The following TAFA1 variants were observed in gnomAD, a reference collection of about 807,000 sequenced individuals.
TAFA1 encodes TAFA chemokine like family member 1.
In TAFA1, 4 loss-of-function variants were observed where a neutral mutation model predicts 18.5. That is an observed-to-expected ratio of 0.22 (90% confidence interval 0.11 to 0.49). The LOEUF is 0.49. Among genes scored for constraint, TAFA1 ranks in the 20% least tolerant of loss-of-function variants. The pLI, the probability that TAFA1 is intolerant of heterozygous loss-of-function variation, is 0.98. For synonymous variants in TAFA1, 56 were observed against 55.2 expected (o/e 1.01, Z -0.06); for missense variants, 147 against 169.0 (o/e 0.87, Z 0.72).
At chr3:68,320,196 C>T (rs1170545375) in intron 2 of TAFA1, among the ~76,000 whole-genome samples, 2 of 152,122 alleles carry the variant, frequency 1.3e-5, no homozygotes, top group Non-Finnish European at 2.9e-5. Context: ...ATTAAAATAA[C>T]ATTTTGGCTT....
chr3:68,249,508 A>G (rs1330827544), intron 2 of TAFA1, among the ~76,000 whole-genome samples: 2 of 152,208 alleles, frequency 1.3e-5, no homozygotes, highest in Admixed American at 1.3e-4. Flanking sequence ...TGTATCAAAC[A>G]GCATAAGAAG....
intron 2 of TAFA1, among the ~76,000 whole-genome samples, chr3:68,308,226 A>G (rs557195654): frequency 1.8e-4 from 28 of 152,314 alleles, no homozygotes; most frequent in African/African-American, 6.5e-4. Flanking sequence ...ACTGCTTGAC[A>G]TCCAAAATTT....
At position 68,128,848 on chromosome 3, in the gene TAFA1, G is replaced by A. The variant is rs141420409; in HGVS notation, c.118+122104G>A. ...ACAAAGAAGAAAGAGAGAAAAGGAAGCCTTTACTCAAAACTGATTTCTAGA... is the reference window on the plus strand; with the variant it reads ...ACAAAGAAGAAAGAGAGAAAAGGAAACCTTTACTCAAAACTGATTTCTAGA... On this transcript the variant is annotated intron_variant, in intron 2 of 4. Coordinates refer to ENST00000478136, the MANE Select transcript of TAFA1 (RefSeq NM_213609.4). Among the ~76,000 whole-genome samples the A allele has an allele frequency of 3.9e-5, 6 of 152,292 alleles. No individual in the cohort carries two copies. In the East Asian group the frequency reaches 1.2e-3, roughly 29 times the overall value.
At chr3:68,210,345 T>C (rs1367899592) in intron 2 of TAFA1, among the ~76,000 whole-genome samples, 1 of 151,982 alleles carries the variant, frequency 6.6e-6, no homozygotes, top group Non-Finnish European at 1.5e-5. Flanking sequence ...ACAGGCCAGG[T>C]ATTCTCACCA....
At chr3:68,262,883 G>C (rs185469188) in intron 2 of TAFA1, among the ~76,000 whole-genome samples, 10 of 152,280 alleles carry the variant, frequency 6.6e-5, no homozygotes, top group Admixed American at 3.9e-4. Flanking sequence ...AATGATGTTA[G>C]ACATTAAATG....
intron 2 of TAFA1, among the ~76,000 whole-genome samples, chr3:68,265,055 T>A (rs2067516727): frequency 6.6e-6 from 1 of 152,236 alleles, no homozygotes; most frequent in South Asian, 2.1e-4. Context: ...AAAACTCATA[T>A]ACAATTTTGC....
intron 2 of TAFA1, among the ~76,000 whole-genome samples, chr3:68,230,795 C>T (rs945644200): frequency 3.8e-4 from 58 of 152,228 alleles, no homozygotes; most frequent in African/African-American, 1.3e-3. Context: ...TATTTATTGT[C>T]TTTTTGATAA....
intron 2 of TAFA1, among the ~76,000 whole-genome samples, chr3:68,398,973 C>T (rs1011839542): frequency 6.6e-6 from 1 of 151,922 alleles, no homozygotes; most frequent in African/African-American, 2.4e-5. Flanking sequence ...GACTTAACAT[C>T]CAAATTACTC....
At chr3:68,050,528 T>G (rs1228065020) in intron 2 of TAFA1, among the ~76,000 whole-genome samples, 1 of 152,152 alleles carries the variant, frequency 6.6e-6, no homozygotes, top group African/African-American at 2.4e-5. Context: ...TAAATGAGTT[T>G]GCTGATAGGA....
At chr3:68,527,295 C>G (rs1388175187) in intron 3 of TAFA1, among the ~76,000 whole-genome samples, 3 of 152,100 alleles carry the variant, frequency 2.0e-5, no homozygotes, top group Non-Finnish European at 4.4e-5. Context: ...ATTAGGAGAG[C>G]TTCCTTGAGT....
At chr3:68,389,494 G>A (rs1464600600) in intron 2 of TAFA1, among the ~76,000 whole-genome samples, 3 of 151,970 alleles carry the variant, frequency 2.0e-5, no homozygotes, top group Non-Finnish European at 2.9e-5. Context: ...TGGGTCAAAG[G>A]GTATGTCCAT....
At chr3:68,388,679 A>T (rs907030105) in intron 2 of TAFA1, among the ~76,000 whole-genome samples, 1 of 152,158 alleles carries the variant, frequency 6.6e-6, no homozygotes, top group African/African-American at 2.4e-5. Flanking sequence ...TTCGGCCTAT[A>T]TTCCAAAACT....
chr3:68,264,352 A>T (rs1007004921), intron 2 of TAFA1, among the ~76,000 whole-genome samples: 1 of 152,218 alleles, frequency 6.6e-6, no homozygotes, highest in African/African-American at 2.4e-5. Context: ...GGGCACACAG[A>T]TTATTGAAGT....
intron 3 of TAFA1, among the ~76,000 whole-genome samples, chr3:68,428,200 C>A (rs1183898199): frequency 6.6e-6 from 1 of 151,748 alleles, no homozygotes; most frequent in African/African-American, 2.4e-5. Context: ...AAGGAAGGAC[C>A]ACATGGGTAG....
intron 2 of TAFA1, among the ~76,000 whole-genome samples, chr3:68,154,823 T>A (rs1233920168): frequency 6.6e-6 from 1 of 152,138 alleles, no homozygotes; most frequent in Non-Finnish European, 1.5e-5. Flanking sequence ...GGACATTGTT[T>A]AACTTCTATT....
chr3:68,061,061 A>T (rs13317047), intron 2 of TAFA1, among the ~76,000 whole-genome samples: 52,123 of 151,906 alleles, frequency 0.34, 9,684 homozygotes, highest in East Asian at 0.49. Flanking sequence ...TTGTTTGGAG[A>T]TGGAGCTAAC....
intron 2 of TAFA1, among the ~76,000 whole-genome samples, chr3:68,378,619 A>G (rs1036256172): frequency 6.6e-6 from 1 of 152,156 alleles, no homozygotes; most frequent in Non-Finnish European, 1.5e-5. Flanking sequence ...TTCAAATGTG[A>G]AAAGACATGA....
chr3:68,169,717 T>C (rs772481413), intron 2 of TAFA1, among the ~76,000 whole-genome samples: 4 of 152,212 alleles, frequency 2.6e-5, no homozygotes, highest in Non-Finnish European at 4.4e-5. Context: ...CTGTGGGTGA[T>C]GTGAATATTT....
intron 2 of TAFA1, among the ~76,000 whole-genome samples, chr3:68,254,320 T>C (rs1474170485): frequency 6.6e-6 from 1 of 152,076 alleles, no homozygotes; most frequent in Admixed American, 6.6e-5. Flanking sequence ...GAGAAAAATA[T>C]GAAAATCAAT....
Sources: gnomAD v4.1 joint callset for allele counts (sites outside exome capture counted in the v4.1 genomes callset) on GRCh38, gnomAD v4.1.1 for gene constraint, MANE v1.5 for transcripts, NCBI Gene and HGNC (gene_info 2026-07-23, HGNC 2026-07-21) for gene names.